The following CACNA1C variants were observed in gnomAD, a reference collection of about 807,000 sequenced individuals.
CACNA1C encodes voltage-dependent L-type calcium channel subunit alpha-1C.
A neutral mutation model predicts 229.0 loss-of-function variants in CACNA1C; 30 were observed. The observed-to-expected ratio is 0.13, with a 90% CI of 0.10 to 0.18. The LOEUF is 0.18. CACNA1C is among the 10% of genes least tolerant of loss of function. CACNA1C has a pLI of 1.00. For synonymous variants in CACNA1C, 1,114 were observed against 1,132.5 expected (o/e 0.98, Z 0.33); for missense variants, 1,658 against 2,845.0 (o/e 0.58, Z 9.49).
At chr12:2,673,815 T>C (rs1420833615) in intron 38 of CACNA1C, among the ~76,000 whole-genome samples, 1 of 152,212 alleles carries the variant, frequency 6.6e-6, no homozygotes, top group Non-Finnish European at 1.5e-5. Flanking sequence ...CTAACCTCCC[T>C]GTCTTAGGTC....
intron 3 of CACNA1C, among the ~76,000 whole-genome samples, chr12:2,214,479 A>T (rs1031114226): frequency 2.0e-5 from 3 of 152,116 alleles, no homozygotes; most frequent in African/African-American, 7.2e-5. Flanking sequence ...CAGTCTTCAC[A>T]CTGATCTCGT....
intron 3 of CACNA1C, among the ~76,000 whole-genome samples, chr12:2,184,349 A>G (rs1258738157): frequency 2.0e-5 from 3 of 152,214 alleles, no homozygotes; most frequent in Non-Finnish European, 4.4e-5. Flanking sequence ...CTTCCCGACC[A>G]TACCCTTGTG....
At chr12:1,984,942 G>A (rs2154469514) in intron 1 of CACNA1C, among the ~76,000 whole-genome samples, 1 of 150,636 alleles carries the variant, frequency 6.6e-6, no homozygotes, top group Middle Eastern at 3.4e-3. Flanking sequence ...CTGTCTTCTG[G>A]CCTACATAAT....
chr12:2,366,521 G>A (rs2097722595), intron 3 of CACNA1C, among the ~76,000 whole-genome samples: 1 of 152,136 alleles, frequency 6.6e-6, no homozygotes, highest in Non-Finnish European at 1.5e-5. Flanking sequence ...TTAATGAAGG[G>A]AACCATGAGT....
chr12:2,146,038 T>C (rs1258127158), intron 3 of CACNA1C, among the ~76,000 whole-genome samples: 1 of 151,228 alleles, frequency 6.6e-6, no homozygotes, highest in Non-Finnish European at 1.5e-5. Flanking sequence ...TCTTTGTAAA[T>C]TGTGTAGCAT....
intron 3 of CACNA1C, among the ~76,000 whole-genome samples, chr12:2,329,050 T>C (rs561130455): frequency 7.8e-4 from 119 of 152,348 alleles, no homozygotes; most frequent in African/African-American, 2.8e-3. Flanking sequence ...CAAAATTTGC[T>C]GTGGATGCCT....
intron 10 of CACNA1C, chr12:2,550,480 GAGA>G (rs1422720775): frequency 3.9e-6 from 5 of 1,280,004 alleles, no homozygotes; most frequent in Non-Finnish European, 4.1e-6. Flanking sequence ...GCAGCCAGGT[GAGA>G]AGATGTTCTG....
intron 46 of CACNA1C, among the ~76,000 whole-genome samples, chr12:2,690,361 G>A (rs1269823522): frequency 6.6e-6 from 1 of 152,152 alleles, no homozygotes; most frequent in Non-Finnish European, 1.5e-5. Flanking sequence ...ACAGGGTCTC[G>A]CTCTGTCACC....
At chr12:2,417,320 C>A (rs1425653696) in intron 3 of CACNA1C, among the ~76,000 whole-genome samples, 1 of 152,226 alleles carries the variant, frequency 6.6e-6, no homozygotes, top group Non-Finnish European at 1.5e-5. Flanking sequence ...TGCAGTCATT[C>A]ACCTTCACCT....
At chr12:2,124,109 C>CAT (rs1166947654) in intron 3 of CACNA1C, among the ~76,000 whole-genome samples, 1 of 145,512 alleles carries the variant, frequency 6.9e-6, no homozygotes, top group African/African-American at 2.6e-5. Context: ...TGGTCTAGCT[C>CAT]GTGTGTGTGT....
At chr12:2,183,550 T>C (rs552412154) in intron 3 of CACNA1C, among the ~76,000 whole-genome samples, 1 of 152,152 alleles carries the variant, frequency 6.6e-6, no homozygotes, top group African/African-American at 2.4e-5. Flanking sequence ...CCAACAAAAG[T>C]TGTCTGCGTC....
chr12:2,040,317 T>C (rs560662727), intron 1 of CACNA1C, among the ~76,000 whole-genome samples: 1 of 152,310 alleles, frequency 6.6e-6, no homozygotes, highest in East Asian at 1.9e-4. Context: ...AGAACATCCA[T>C]CTTGGTGAGC....
In CACNA1C at chr12:2,450,834, A is replaced by G. The variant is rs566461949; in HGVS notation, c.617+1719A>G. Among the ~76,000 whole-genome samples, 6 of 152,226 alleles carry G rather than the reference A, an allele frequency of 3.9e-5. No individual in the cohort carries two copies. The East Asian group carries it at 7.7e-4, about 20-fold the overall frequency. ...GGAGGATCCTTTTGTGCCATCCCGG[A>G]GGAGACACAGCCATTGTGGACGTCT... On this transcript the variant is annotated intron_variant, in intron 4 of 46. Coordinates refer to ENST00000399655, the MANE Select transcript of CACNA1C (RefSeq NM_000719.7).
chr12:2,635,278 A>G (rs2092355000), intron 30 of CACNA1C, among the ~76,000 whole-genome samples: 1 of 152,072 alleles, frequency 6.6e-6, no homozygotes. Context: ...CCTCCTATAC[A>G]GTTCCTACCA....
At chr12:2,253,009 CGGAAG>C (rs1030940921) in intron 3 of CACNA1C, among the ~76,000 whole-genome samples, 11 of 152,168 alleles carry the variant, frequency 7.2e-5, no homozygotes, top group Admixed American at 3.3e-4. Context: ...CTCATGTTCC[CGGAAG>C]GGAAGGTATG....
Position 2,072,956 on chromosome 12 carries a change from G to A in CACNA1C, c.49+19345G>A, listed in dbSNP as rs372876268. Among the ~76,000 whole-genome samples the A allele has an allele frequency of 2.6e-4, 40 of 152,168 alleles. No homozygotes were observed. The East Asian group carries it at 2.9e-3, about 11-fold the overall frequency. On this transcript the variant is annotated intron_variant, in intron 1 of 46. Coordinates refer to ENST00000399655, the MANE Select transcript of CACNA1C (RefSeq NM_000719.7). ...ATTAAGTGTCTACTAGATACCAGAC[G>A]GACACAGTGATAGATACGTTGATGA...
chr12:2,144,311 G>A (rs1178793170), intron 3 of CACNA1C, among the ~76,000 whole-genome samples: 2 of 151,386 alleles, frequency 1.3e-5, no homozygotes, highest in South Asian at 4.2e-4. Flanking sequence ...CCAATGGTAG[G>A]AGTGCTGGGA....
chr12:2,618,620 C>G (rs1011364754), intron 29 of CACNA1C, among the ~76,000 whole-genome samples: 2 of 152,234 alleles, frequency 1.3e-5, no homozygotes, highest in Non-Finnish European at 2.9e-5. Context: ...GCCAGGGGAA[C>G]CCTGCAAGCT....
In CACNA1C at chr12:2,602,476, T is replaced by A. The variant is rs2153409789; in HGVS notation, c.2960+516T>A. 6.6e-6 allele frequency among the ~76,000 whole-genome samples: 1 copy of A among 152,068 alleles called. No homozygotes were observed. Among genetic ancestry groups the A allele is most frequent in the South Asian group, 2.1e-4 (1 of 4,818 alleles). ...TGTGGATGTGTGGGGTGTGTGTATA[T>A]GTGGATGTGTGTTTGTGGCTGTGTG... On this transcript the variant is annotated intron_variant, in intron 22 of 46. Transcript: ENST00000399655. This position sits in a 1 kb window ranked among gnomAD's most constrained non-coding sequence, Gnocchi z 4.4.
Sources: gnomAD v4.1 joint callset for allele counts (sites outside exome capture counted in the v4.1 genomes callset) on GRCh38, gnomAD v4.1.1 for gene constraint, Gnocchi (gnomAD v3.1) non-coding constraint, MANE v1.5 for transcripts, NCBI Gene and HGNC (gene_info 2026-07-23, HGNC 2026-07-21) for gene names.